Variants in SLC5A8 observed in about 807,000 individuals in gnomAD.
SLC5A8 encodes solute carrier family 5 member 8, also known as sodium-coupled monocarboxylate transporter 1.
In SLC5A8, 55 loss-of-function variants were observed where a neutral mutation model predicts 71.9. That is an observed-to-expected ratio of 0.77 (90% CI 0.62 to 0.96). The LOEUF is 0.96. Ranked by LOEUF, SLC5A8 falls within the 40% of genes least tolerant of loss-of-function variation. SLC5A8 has a pLI of 0.00. For missense variants in SLC5A8, 701 were observed against 745.3 expected (o/e 0.94, Z 0.69); for synonymous variants, 307 against 276.1 (o/e 1.11, Z -1.11).
intron 10 of SLC5A8, among the ~76,000 whole-genome samples, chr12:101,170,510 G>C (rs570843086): frequency 6.6e-6 from 1 of 152,062 alleles, no homozygotes; most frequent in Non-Finnish European, 1.5e-5. Flanking sequence ...CCCAGCCTGA[G>C]AACTGAAGAA....
chr12:101,209,628 G>T lies in SLC5A8; in HGVS notation c.221C>A (p.Thr74Asn), dbSNP rs932973196. 1.2e-6 allele frequency: 2 copies of T among 1,613,952 alleles called. No individual in the cohort carries two copies. The highest frequency in any genetic ancestry group is 1.3e-5 in the African/African-American group (1 of 74,938). Residue 74 changes from threonine to asparagine, a missense_variant, in exon 1 of 15, where the codon ACC (threonine) becomes AAC (asparagine). Transcript: ENST00000536262. Reference sequence around the variant, plus strand: ...CCCAAAACGGTAGACCTCGGAGGGGGTGCCCAGGACAGTGACGGCTGACAT... The same window carrying T: ...CCCAAAACGGTAGACCTCGGAGGGGTTGCCCAGGACAGTGACGGCTGACAT... ...SFMSAVTVLGTPSEVYRFGAI... is the reference protein window; with the variant it reads ...SFMSAVTVLGNPSEVYRFGAI...
At chr12:101,195,657 A>G (rs1333691319) in intron 3 of SLC5A8, among the ~76,000 whole-genome samples, 4 of 148,596 alleles carry the variant, frequency 2.7e-5, no homozygotes, top group Non-Finnish European at 5.9e-5. Context: ...CAGATTGCGG[A>G]TCTGATTTCA....
At chr12:101,162,182 A>C in intron 12 of SLC5A8, 105 bp from the exon 13 acceptor site, 1 of 711,240 alleles carries the variant, frequency 1.4e-6, no homozygotes, top group Middle Eastern at 2.5e-4. Context: ...ACACTTAATA[A>C]TGTTTTTAAT....
intron 1 of SLC5A8, among the ~76,000 whole-genome samples, chr12:101,208,473 TGAGG>T (rs1490696889): frequency 6.6e-6 from 1 of 152,088 alleles, no homozygotes; most frequent in Non-Finnish European, 1.5e-5. Context: ...CAGTGCTGGG[TGAGG>T]GAGACCACTG....
chr12:101,202,941 C>T (rs1869521772), intron 2 of SLC5A8, among the ~76,000 whole-genome samples: 1 of 152,070 alleles, frequency 6.6e-6, no homozygotes, highest in Non-Finnish European at 1.5e-5. Context: ...TATTCAGTAC[C>T]TTTGAATGTT....
At chr12:101,204,448 G>C (rs369427918) in intron 2 of SLC5A8, 52 bp downstream of exon 2, 20 of 1,466,896 alleles carry the variant, frequency 1.4e-5, no homozygotes, top group Non-Finnish European at 1.8e-5. Flanking sequence ...CAGATGCCAT[G>C]GTTAAAAACA....
At chr12:101,164,646 G>A (rs755816686) in intron 12 of SLC5A8, among the ~76,000 whole-genome samples, 21 of 152,176 alleles carry the variant, frequency 1.4e-4, no homozygotes, top group Non-Finnish European at 2.9e-4. Flanking sequence ...CCTTCCTTGC[G>A]ATACAGATTG....
intron 5 of SLC5A8, among the ~76,000 whole-genome samples, chr12:101,191,216 G>A (rs144571536): frequency 2.3e-4 from 35 of 152,284 alleles, no homozygotes; most frequent in African/African-American, 8.4e-4. Context: ...GCCACTTTAT[G>A]ACATCATGTA....
At chr12:101,185,945 G>T (rs898143040) in intron 7 of SLC5A8, among the ~76,000 whole-genome samples, 3 of 152,084 alleles carry the variant, frequency 2.0e-5, no homozygotes, top group African/African-American at 7.2e-5. Flanking sequence ...AGTGTTAATT[G>T]AATTAACTTG....
Position 101,209,810 on chromosome 12 carries a change from C to T in SLC5A8, c.39G>A (p.Trp13Ter), listed in dbSNP as rs746545595. ...TPRGIGTFVV[W>*]DYVVFAGMLV... Reference sequence around the variant, plus strand: ...GCATGCCCGCGAACACCACGTAGTCCCACACCACGAAGGTGCCGATGCCCC... The same window carrying T: ...GCATGCCCGCGAACACCACGTAGTCTCACACCACGAAGGTGCCGATGCCCC... Residue 13 changes from tryptophan (W) to a stop codon, truncating the protein, a stop_gained, in exon 1 of 15, where the codon TGG (tryptophan) becomes TGA (stop). Coordinates refer to ENST00000536262, the MANE Select transcript of SLC5A8 (RefSeq NM_145913.5). LOFTEE classifies it high-confidence loss of function. The T allele has an allele frequency of 6.3e-7, 1 of 1,590,348 alleles. No homozygotes were observed. Among genetic ancestry groups the T allele is most frequent in the East Asian group, 2.2e-5 (1 of 44,576 alleles).
chr12:101,158,122 CA>C (rs2051684438), intron 14 of SLC5A8, 126 bp downstream of exon 14: 1 of 698,006 alleles, frequency 1.4e-6, no homozygotes, highest in African/African-American at 1.8e-5. Context: ...TATAGATCAT[CA>C]GATTATATAG....
At chr12:101,180,996 C>A (rs17031117) in intron 9 of SLC5A8, among the ~76,000 whole-genome samples, 6,081 of 152,120 alleles carry the variant, frequency 0.04, 173 homozygotes, top group Non-Finnish European at 0.063. Context: ...TGCAAAAAAA[C>A]CCCCTTTGTT....
At chr12:101,178,877 C>G (rs1301772697) in intron 10 of SLC5A8, among the ~76,000 whole-genome samples, 1 of 150,858 alleles carries the variant, frequency 6.6e-6, no homozygotes, top group Admixed American at 6.6e-5. Context: ...AGACAAACTA[C>G]TGTGTAAGAA....
chr12:101,204,650 T>C (rs1036396939), intron 1 of SLC5A8, 85 bp from the exon 2 acceptor site: 2 of 880,310 alleles, frequency 2.3e-6, no homozygotes, highest in African/African-American at 3.4e-5. Flanking sequence ...AATTTAGAAA[T>C]GTAAAGCAAC....
chr12:101,194,990 G>A (rs1869102150), intron 4 of SLC5A8, 105 bp downstream of exon 4: 3 of 1,045,690 alleles, frequency 2.9e-6, no homozygotes, highest in Non-Finnish European at 4.3e-6. Flanking sequence ...GTTGGGAATA[G>A]GAGAGTAAGT....
intron 13 of SLC5A8, among the ~76,000 whole-genome samples, chr12:101,158,598 C>CTCTCTCTCTCTATATATATATA (rs1411795424): frequency 4.7e-5 from 1 of 21,250 alleles, no homozygotes; most frequent in Non-Finnish European, 8.8e-5. Flanking sequence ...CTCTCTCTCT[C>CTCTCTCTCTCTATATATATATA]TATATATATA....
At chr12:101,167,457 T>C (rs1472888218) in intron 11 of SLC5A8, among the ~76,000 whole-genome samples, 1 of 152,216 alleles carries the variant, frequency 6.6e-6, no homozygotes, top group Non-Finnish European at 1.5e-5. Flanking sequence ...CTACATCTTA[T>C]AGCCAGACTG....
At chr12:101,157,608 C>T (rs2625153) in intron 14 of SLC5A8, among the ~76,000 whole-genome samples, 33,868 of 151,462 alleles carry the variant, frequency 0.22, 4,162 homozygotes, top group East Asian at 0.51. Context: ...TACAAAATAG[C>T]CCATCAGACA....
chr12:101,184,712 A>T (rs1261847987), intron 7 of SLC5A8, among the ~76,000 whole-genome samples: 2 of 152,200 alleles, frequency 1.3e-5, no homozygotes, highest in Non-Finnish European at 2.9e-5. Context: ...CATTTTGTGA[A>T]CTTCAGTCAC....
Sources: allele counts gnomAD v4.1 joint callset (sites outside exome capture counted in the v4.1 genomes callset), GRCh38; gene constraint gnomAD v4.1.1; transcripts MANE v1.5; gene names NCBI Gene and HGNC (gene_info 2026-07-23, HGNC 2026-07-21).